AKAP12: variants seen among roughly 807,000 people sequenced by gnomAD.
The protein encoded by AKAP12 is A-kinase anchoring protein 12, also known as A-kinase anchor protein 12.
In AKAP12, 32 loss-of-function variants were observed where a neutral mutation model predicts 79.9. The observed-to-expected ratio is 0.40, with a 90% CI of 0.30 to 0.54. The LOEUF is 0.54. Among genes scored for constraint, AKAP12 ranks in the 20% least tolerant of loss-of-function variants. The pLI is 0.48. For synonymous variants in AKAP12, 808 were observed against 857.0 expected (o/e 0.94, Z 1.00); for missense variants, 2,074 against 2,177.0 (o/e 0.95, Z 0.94).
Position 151,356,002 on chromosome 6 carries a change from T to A in AKAP12, c.*288T>A, listed in dbSNP as rs1278675645. 2 of 152,682 alleles carry A rather than the reference T, an allele frequency of 1.3e-5. No homozygotes were observed. The highest frequency in any genetic ancestry group is 2.9e-5 in the Non-Finnish European group (2 of 68,044). The allele number at this position is 152,682 out of a possible 1,614,324, so 9.5% of individuals were successfully genotyped here. On this transcript the variant is annotated 3_prime_UTR_variant, in exon 5 of 5. Transcript: ENST00000402676. Reference sequence around the variant, plus strand: ...AGGTCCTAAATTCTTAACCTGGAACTGGAGTTGGCAATACCTAGTTCTGCT... The same window carrying A: ...AGGTCCTAAATTCTTAACCTGGAACAGGAGTTGGCAATACCTAGTTCTGCT...
At chr6:151,332,034 T>TTG (rs1415075436) in intron 3 of AKAP12, among the ~76,000 whole-genome samples, 2 of 100,562 alleles carry the variant, frequency 2.0e-5, no homozygotes, top group Admixed American at 1.1e-4. Flanking sequence ...TCTGGGTCTG[T>TTG]TTTTTTTTTT....
chr6:151,312,186 C>G (rs1777120268), intron 3 of AKAP12, among the ~76,000 whole-genome samples: 1 of 152,134 alleles, frequency 6.6e-6, no homozygotes, highest in Non-Finnish European at 1.5e-5. Flanking sequence ...ATATAAGAAT[C>G]AAGCCCAGGT....
At chr6:151,316,828 A>G (rs1415861199) in intron 3 of AKAP12, among the ~76,000 whole-genome samples, 1 of 151,426 alleles carries the variant, frequency 6.6e-6, no homozygotes, top group East Asian at 1.9e-4. Flanking sequence ...ACGGGGTTCT[A>G]CTCTTCACCA....
chr6:151,352,673 G>A lies in AKAP12; in HGVS notation c.4282G>A (p.Glu1428Lys), dbSNP rs771209122. Reference protein sequence around the residue: ...SFTLTAAAEEEKVLGETANIL... With the variant: ...SFTLTAAAEEKKVLGETANIL... ...CACTCTAACAGCGGCTGCAGAGGAG[G>A]AAAAGGTCTTAGGAGAAACTGCCAA... Residue 1428 changes from glutamate to lysine, a missense_variant, in exon 4 of 5, where the codon GAA becomes AAA. Physicochemically the swap from Glu to Lys is moderately conservative, Grantham distance 56. This residue lies in a region of AKAP12 where 614 missense variants were observed against 665.6 expected (regional missense o/e 0.92). Transcript: ENST00000402676. 1 of 1,614,202 alleles carries A rather than the reference G, an allele frequency of 6.2e-7. No individual in the cohort carries two copies. Among genetic ancestry groups the A allele is most frequent in the Admixed American group, 1.7e-5 (1 of 60,024 alleles).
chr6:151,351,482 G>A lies in AKAP12; in HGVS notation c.3091G>A (p.Asp1031Asn), dbSNP rs775950706. ...GCAGGAGGTGGAAGGTGGCGTACCTGACATAGAAGAGCAAGAGAGGCGGAC... is the reference window on the plus strand; with the variant it reads ...GCAGGAGGTGGAAGGTGGCGTACCTAACATAGAAGAGCAAGAGAGGCGGAC... ...PVQEVEGGVP[D>N]IEEQERRTQE... The change falls in exon 4 of 5, where the codon GAC (aspartate) becomes AAC (asparagine). Residue 1031 changes from aspartate (D) to asparagine (N), a missense_variant. Asp to Asn is a conservative substitution (Grantham distance 23). Around this residue, in one of 3 missense-constraint regions of AKAP12, gnomAD observed 1,428 missense variants for 1,451.0 expected, o/e 0.98. Transcript: ENST00000402676. This position sits in a 1 kb window ranked among gnomAD's most constrained non-coding sequence, Gnocchi z 4.4. 2 of 1,614,226 alleles carry A rather than the reference G, an allele frequency of 1.2e-6. No individual in the cohort carries two copies. Among genetic ancestry groups the A allele is most frequent in the Non-Finnish European group, 1.7e-6 (2 of 1,180,046 alleles).
Position 151,356,813 on chromosome 6 carries a change from A to G in AKAP12, c.*1099A>G, listed in dbSNP as rs376260658. On this transcript the variant is annotated 3_prime_UTR_variant, in exon 5 of 5. Transcript: ENST00000402676. ...TATTAGATACCAGGAAGCCTGGGAC[A>G]TATGTGTACCACATTAGAATTCTAA... The G allele has an allele frequency of 6.6e-6, 1 of 152,254 alleles. No homozygotes were observed. The highest frequency in any genetic ancestry group is 1.5e-5 in the Non-Finnish European group (1 of 68,046). The allele number at this position is 152,254 out of a possible 1,614,324, so 9.4% of individuals were successfully genotyped here.
chr6:151,255,607 G>A (rs1797276995), intron 2 of AKAP12, among the ~76,000 whole-genome samples: 1 of 151,932 alleles, frequency 6.6e-6, no homozygotes, highest in South Asian at 2.1e-4. Flanking sequence ...ACACCAGCCT[G>A]GCCAACATAC....
intron 2 of AKAP12, among the ~76,000 whole-genome samples, chr6:151,289,129 A>T (rs375441107): frequency 6.6e-6 from 1 of 152,182 alleles, no homozygotes; most frequent in African/African-American, 2.4e-5. Context: ...AAAATTTGCA[A>T]CAAATCCCAA....
At chr6:151,325,721 T>A in intron 3 of AKAP12, 1 of 1,508,328 alleles carries the variant, frequency 6.6e-7, no homozygotes, top group Non-Finnish European at 8.9e-7. Context: ...TTCTCCCCCA[T>A]CCTCCGGGAG....
intron 2 of AKAP12, among the ~76,000 whole-genome samples, chr6:151,278,958 C>T (rs997342338): frequency 5.3e-5 from 8 of 152,308 alleles, no homozygotes; most frequent in East Asian, 3.9e-4. Context: ...TGAGCCACCG[C>T]GCCCGGCGGT....
chr6:151,346,553 C>G (rs1026323904), intron 3 of AKAP12, among the ~76,000 whole-genome samples: 2 of 152,114 alleles, frequency 1.3e-5, no homozygotes, highest in Non-Finnish European at 2.9e-5. Flanking sequence ...TCAGGAATGC[C>G]ACGTAGATGA....
chr6:151,288,696 C>T (rs571490412), intron 2 of AKAP12, among the ~76,000 whole-genome samples: 49 of 152,242 alleles, frequency 3.2e-4, no homozygotes, highest in Non-Finnish European at 5.1e-4. Context: ...CCCACTCCCA[C>T]CCTACCCCCG....
intron 2 of AKAP12, among the ~76,000 whole-genome samples, chr6:151,287,204 G>T (rs752839802): frequency 2.0e-5 from 3 of 152,214 alleles, no homozygotes; most frequent in Non-Finnish European, 2.9e-5. Context: ...CTCCCAGAGT[G>T]CTGGGATTAC....
In AKAP12 at chr6:151,332,122, C is replaced by T. The variant is rs192895738; in HGVS notation, c.320-16589C>T. Among the ~76,000 whole-genome samples the T allele has an allele frequency of 5.4e-4, 81 of 149,756 alleles. No individual in the cohort carries two copies. In the East Asian group the frequency reaches 7.8e-3, roughly 14 times the overall value. On this transcript the variant is annotated intron_variant, in intron 3 of 4. Transcript: ENST00000402676. ...CATGATCTCAGCTCACTGCAGCCTC[C>T]GCCTCCCAGGTTCAAATGATTCTCC...
intron 3 of AKAP12, among the ~76,000 whole-genome samples, chr6:151,313,762 C>T (rs1282959818): frequency 1.3e-5 from 2 of 152,172 alleles, no homozygotes. Flanking sequence ...CTAGACACGG[C>T]TAAGACTGCT....
In AKAP12 at chr6:151,350,334, G is replaced by A; in HGVS notation, c.1943G>A (p.Ser648Asn). 6.2e-7 allele frequency: 1 copy of A among 1,613,898 alleles called. No individual in the cohort carries two copies. Among genetic ancestry groups the A allele is most frequent in the Non-Finnish European group, 8.5e-7 (1 of 1,180,018 alleles). Residue 648 changes from serine (S) to asparagine (N), a missense_variant, in exon 4 of 5, where the codon AGC becomes AAC. Transcript: ENST00000402676. This position sits in a 1 kb window ranked among gnomAD's most constrained non-coding sequence, Gnocchi z 4.8. The part of the protein sequence containing the change: ...VKSATLSSTE[S>N]TASEMQEEMK... ...AGCGCTACCTTGTCTTCCACCGAGA[G>A]CACAGCCTCTGAAATGCAAGAAGAA...
intron 2 of AKAP12, among the ~76,000 whole-genome samples, chr6:151,266,894 T>C (rs1014217142): frequency 6.6e-6 from 1 of 150,804 alleles, no homozygotes; most frequent in African/African-American, 2.4e-5. Flanking sequence ...TGGCTGAAGG[T>C]TGAAAGGAGA....
intron 3 of AKAP12, chr6:151,341,701 C>A: frequency 8.0e-7 from 1 of 1,249,890 alleles, no homozygotes; most frequent in South Asian, 1.4e-5. Flanking sequence ...GTAGCACGTG[C>A]ACCCAAGCGG....
intron 2 of AKAP12, among the ~76,000 whole-genome samples, chr6:151,298,277 T>C (rs141499515): frequency 1.6e-4 from 24 of 152,342 alleles, no homozygotes; most frequent in African/African-American, 5.3e-4. Context: ...CTTTGCCATT[T>C]GCCAGGTGTT....
Sources: gnomAD v4.1 joint callset for allele counts (sites outside exome capture counted in the v4.1 genomes callset) on GRCh38, gnomAD v4.1.1 for gene constraint, gnomAD v4.1.1 regional missense constraint, Gnocchi (gnomAD v3.1) non-coding constraint, MANE v1.5 for transcripts, NCBI Gene and HGNC (gene_info 2026-07-23, HGNC 2026-07-21) for gene names.